The following TCIRG1 variants were observed in gnomAD, a reference collection of about 807,000 sequenced individuals.
TCIRG1 encodes T cell immune regulator 1, ATPase H+ transporting V0 subunit a3.
A neutral mutation model predicts 95.5 loss-of-function variants in TCIRG1; 86 were observed. The ratio of observed to expected loss-of-function variants is 0.90; its 90% CI spans 0.76 to 1.08. The LOEUF (loss-of-function observed/expected upper bound fraction) is 1.08, where lower values mean the gene tolerates loss of function less well. Ranked by LOEUF, TCIRG1 falls within the 50% of genes least tolerant of loss-of-function variation. TCIRG1 has a pLI of 0.00. For missense variants in TCIRG1, 1,069 were observed against 1,140.2 expected (o/e 0.94, Z 0.90); for synonymous variants, 499 against 501.3 (o/e 1.00, Z 0.06).
At position 68,049,663 on chromosome 11, in the gene TCIRG1, G is replaced by C. The variant is rs761750639; in HGVS notation, c.1888G>C (p.Glu630Gln). 1 of 1,600,544 alleles carries C rather than the reference G, an allele frequency of 6.2e-7. No homozygotes were observed. The highest frequency in any genetic ancestry group is 2.2e-5 in the East Asian group (1 of 44,834). Reference sequence around the variant, plus strand: ...CTGACTCTCGCCCTCTCCCTGGCAGGAGGTGGTCCAGGCCACGCTGGTGGT... The same window carrying C: ...CTGACTCTCGCCCTCTCCCTGGCAGCAGGTGGTCCAGGCCACGCTGGTGGT... ...PSNRLLYPRQ[E>Q]VVQATLVVLA... Residue 630 changes from glutamate to glutamine, a missense_variant and splice_region_variant, in exon 16 of 20, where the codon GAG (glutamate) becomes CAG (glutamine). Coordinates refer to ENST00000265686, the MANE Select transcript of TCIRG1 (RefSeq NM_006019.4).
rs112351165 is a variant in TCIRG1 at position 68,049,650 on chromosome 11, C to T, written c.1888-13C>T. The T allele has an allele frequency of 1.9e-6, 3 of 1,599,098 alleles. No homozygotes were observed. The highest frequency in any genetic ancestry group is 2.5e-6 in the Non-Finnish European group (3 of 1,179,042). On this transcript the variant is annotated splice_polypyrimidine_tract_variant and intron_variant, in intron 15 of 19. Coordinates refer to ENST00000265686, the MANE Select transcript of TCIRG1 (RefSeq NM_006019.4). Reference sequence around the variant, plus strand: ...CAGCAGGGACGCCCTGACTCTCGCCCTCTCCCTGGCAGGAGGTGGTCCAGG... The same window carrying T: ...CAGCAGGGACGCCCTGACTCTCGCCTTCTCCCTGGCAGGAGGTGGTCCAGG...
In TCIRG1 at chr11:68,042,754, G is replaced by T. The variant is rs775326246; in HGVS notation, c.308G>T (p.Arg103Leu). ...CTGCGCATCCAGGAGGAGACGGAGCGCCTGGCCCAGGAGCTGCGGGATGTG... is the reference window on the plus strand; with the variant it reads ...CTGCGCATCCAGGAGGAGACGGAGCTCCTGGCCCAGGAGCTGCGGGATGTG... ...DLLRIQEETE[R>L]LAQELRDVRG... Residue 103 changes from arginine (R) to leucine (L), a missense_variant, in exon 4 of 20, where the codon CGC becomes CTC. By Grantham distance (102) the Arg-to-Leu change is moderately radical (BLOSUM62 -2). Transcript: ENST00000265686. The T allele has an allele frequency of 1.3e-6, 2 of 1,547,260 alleles. No individual in the cohort carries two copies. Among genetic ancestry groups the T allele is most frequent in the Non-Finnish European group, 1.7e-6 (2 of 1,146,374 alleles).
At chr11:68,042,513 C>A in intron 3 of TCIRG1, 130 bp from the exon 4 acceptor site, 2 of 748,076 alleles carry the variant, frequency 2.7e-6, no homozygotes, top group South Asian at 1.7e-5. Context: ...AAAGTTTGGC[C>A]GGGATTTTCT....
At chr11:68,045,511 C>T (rs1210865811) in intron 10 of TCIRG1, among the ~76,000 whole-genome samples, 2 of 151,742 alleles carry the variant, frequency 1.3e-5, no homozygotes, top group African/African-American at 2.4e-5. Flanking sequence ...AGACTGCAAG[C>T]TGGAGCCAGG....
Position 68,047,544 on chromosome 11 carries a change from G to C in TCIRG1, c.1277G>C (p.Arg426Pro). The change falls in exon 11 of 20, where the codon CGA becomes CCA. Residue 426 changes from arginine to proline, a missense_variant. Physicochemically the swap from Arg to Pro is moderately radical, Grantham distance 103. Coordinates refer to ENST00000265686, the MANE Select transcript of TCIRG1 (RefSeq NM_006019.4). Reference protein sequence around the residue: ...FALAMVLAENRPAVKAAQNEI... With the variant: ...FALAMVLAENPPAVKAAQNEI... Reference sequence around the variant, plus strand: ...CTGGCCATGGTCCTTGCGGAGAACCGACCGGCTGTGAAGGCCGCGCAGAAC... The same window carrying C: ...CTGGCCATGGTCCTTGCGGAGAACCCACCGGCTGTGAAGGCCGCGCAGAAC... 2 of 1,613,890 alleles carry C rather than the reference G, an allele frequency of 1.2e-6. No homozygotes were observed. Among genetic ancestry groups the C allele is most frequent in the Non-Finnish European group, 1.7e-6 (2 of 1,179,996 alleles).
At chr11:68,048,275 G>T in intron 13 of TCIRG1, 1 of 520,434 alleles carries the variant, frequency 1.9e-6, no homozygotes, top group Non-Finnish European at 3.5e-6. Flanking sequence ...CCAACCCTCT[G>T]TGGAAGTGAT....
intron 13 of TCIRG1, 191 bp downstream of exon 13, chr11:68,048,163 G>A: frequency 3.0e-6 from 2 of 662,350 alleles, no homozygotes. Context: ...AGTGTGCGGA[G>A]GCAAAGCGAG....
Position 68,049,751 on chromosome 11 carries a change from A to T in TCIRG1, c.1976A>T (p.His659Leu). The T allele has an allele frequency of 6.3e-7, 1 of 1,577,822 alleles. No individual in the cohort carries two copies. The highest frequency in any genetic ancestry group is 8.6e-7 in the Non-Finnish European group (1 of 1,168,420). The stretch of plus-strand genomic sequence containing the variant: ...ACACCCCTGCACCTGCTGCACCGCC[A>T]CCGCCGCCGCCTGCGGAGGAGGCCC... Reference protein sequence around the residue: ...LGTPLHLLHRHRRRLRRRPAD... With the variant: ...LGTPLHLLHRLRRRLRRRPAD... Residue 659 changes from histidine to leucine, a missense_variant, in exon 16 of 20, where the codon CAC (histidine) becomes CTC (leucine). Physicochemically the swap from His to Leu is moderately conservative, Grantham distance 99. Transcript: ENST00000265686.
At chr11:68,042,494 T>C in intron 3 of TCIRG1, 149 bp from the exon 4 acceptor site, 1 of 673,210 alleles carries the variant, frequency 1.5e-6, no homozygotes, top group South Asian at 1.8e-5. Flanking sequence ...GGAGCACAGC[T>C]TCTGGATGAA....
At chr11:68,048,240 G>C (rs1014080377) in intron 13 of TCIRG1, 1 of 579,182 alleles carries the variant, frequency 1.7e-6, no homozygotes, top group Non-Finnish European at 3.1e-6. Flanking sequence ...CCAGCCTGCA[G>C]CTTGCACTGT....
chr11:68,047,848 G>A lies in TCIRG1; in HGVS notation c.1464-34G>A, dbSNP rs764286195. On this transcript the variant is annotated intron_variant, in intron 12 of 19. Coordinates refer to ENST00000265686, the MANE Select transcript of TCIRG1 (RefSeq NM_006019.4). ...CCCGGCTGGGGGCCCCGCAGCACCC[G>A]CAGCCCTGACCGCCCTCCCCTGCGT... 6.2e-6 allele frequency: 10 copies of A among 1,612,744 alleles called. No homozygotes were observed. The Admixed American group carries it at 8.3e-5, about 13-fold the overall frequency.
At position 68,047,664 on chromosome 11, in the gene TCIRG1, C is replaced by A; in HGVS notation, c.1323C>A (p.Phe441Leu). The A allele has an allele frequency of 6.2e-7, 1 of 1,613,528 alleles. No individual in the cohort carries two copies. The highest frequency in any genetic ancestry group is 8.5e-7 in the Non-Finnish European group (1 of 1,180,014). Residue 441 changes from phenylalanine to leucine, a missense_variant, in exon 12 of 20, where the codon TTC becomes TTA. Transcript: ENST00000265686. Reference protein sequence around the residue: ...AAQNEIWQTFFRGRYLLLLMG... With the variant: ...AAQNEIWQTFLRGRYLLLLMG... Reference sequence around the variant, plus strand: ...CCCCCCAGATCTGGCAGACTTTCTTCAGGGGCCGCTACCTGCTCCTGCTTA... The same window carrying A: ...CCCCCCAGATCTGGCAGACTTTCTTAAGGGGCCGCTACCTGCTCCTGCTTA...
At chr11:68,049,483 G>C in intron 15 of TCIRG1, 180 bp from the exon 16 acceptor site, 1 of 1,017,076 alleles carries the variant, frequency 9.8e-7, no homozygotes, top group Non-Finnish European at 1.4e-6. Flanking sequence ...GGAACCGGGG[G>C]TCCCTTCCCT....
In TCIRG1 at chr11:68,049,997, C is replaced by T. The variant is rs780969471; in HGVS notation, c.2049C>T (p.Asp683=). 64 of 1,612,844 alleles carry T rather than the reference C, an allele frequency of 4.0e-5. No homozygotes were observed. The highest frequency in any genetic ancestry group is 4.7e-5 in the Non-Finnish European group (55 of 1,179,872). ...ENKAGLLDLP[D]ASVNGWSSDE... is the part of the protein sequence containing the mutation. The stretch of plus-strand genomic sequence containing the variant: ...AGGCCGGGTTGCTGGACCTGCCTGA[C>T]GCATCTGTGAATGGCTGGAGCTCCG... The change falls in exon 17 of 20, where the codon GAC becomes GAT. Residue 683 remains aspartate (D), a synonymous_variant. Coordinates refer to ENST00000265686, the MANE Select transcript of TCIRG1 (RefSeq NM_006019.4).
intron 16 of TCIRG1, 86 bp from the exon 17 acceptor site, chr11:68,049,876 T>C: frequency 1.3e-6 from 2 of 1,556,760 alleles, no homozygotes; most frequent in South Asian, 2.3e-5. Flanking sequence ...CCTGACAGAC[T>C]CCTGAGTGGC....
intron 9 of TCIRG1, 32 bp from the exon 10 acceptor site, chr11:68,044,926 C>G: frequency 1.2e-6 from 2 of 1,604,226 alleles, no homozygotes; most frequent in Non-Finnish European, 1.7e-6. Context: ...GCCCCCGCCA[C>G]CGTTCTGGTC....
chr11:68,042,589 C>T (rs1179805131), intron 3 of TCIRG1, 54 bp from the exon 4 acceptor site: 4 of 1,445,678 alleles, frequency 2.8e-6, no homozygotes, highest in African/African-American at 2.8e-5. Flanking sequence ...AGGTGGGGCC[C>T]TCAACTGTTG....
At chr11:68,049,623 C>T (rs745370151) in intron 15 of TCIRG1, 40 bp from the exon 16 acceptor site, 2 of 1,591,224 alleles carry the variant, frequency 1.3e-6, no homozygotes, top group South Asian at 2.2e-5. Context: ...TGCAGGTGTG[C>T]ACAGCAGGGA....
intron 5 of TCIRG1, 60 bp from the exon 6 acceptor site, chr11:68,043,311 C>A (rs1300626163): frequency 1.3e-6 from 2 of 1,524,170 alleles, no homozygotes; most frequent in African/African-American, 2.8e-5. Context: ...GCCCGGGGGG[C>A]CTGGTGGGGG....
Sources: gnomAD v4.1 joint callset for allele counts (sites outside exome capture counted in the v4.1 genomes callset) on GRCh38, gnomAD v4.1.1 for gene constraint, MANE v1.5 for transcripts, NCBI Gene and HGNC (gene_info 2026-07-23, HGNC 2026-07-21) for gene names.